PIK3C2G: variants seen among roughly 807,000 people sequenced by gnomAD.
The protein encoded by PIK3C2G is phosphatidylinositol-4-phosphate 3-kinase catalytic subunit type 2 gamma, also known as phosphatidylinositol 3-kinase C2 domain-containing subunit gamma.
In PIK3C2G, 168 loss-of-function variants were observed where a neutral mutation model predicts 181.1. The ratio of observed to expected loss-of-function variants is 0.93; its 90% CI spans 0.82 to 1.05. The LOEUF is 1.05. PIK3C2G is among the 50% of genes least tolerant of loss of function. The probability of loss-of-function intolerance (pLI) is 0.00; values close to 1 mark genes in which losing one functional copy is unlikely to be tolerated. For synonymous variants in PIK3C2G, 573 were observed against 592.2 expected (o/e 0.97, Z 0.47); for missense variants, 1,869 against 1,732.8 (o/e 1.08, Z -1.40).
intron 5 of PIK3C2G, among the ~76,000 whole-genome samples, chr12:18,296,190 T>C (rs1343195132): frequency 6.6e-6 from 1 of 152,084 alleles, no homozygotes; most frequent in Non-Finnish European, 1.5e-5. Context: ...AAGTATTACA[T>C]AAAATCCTGA....
chr12:18,545,511 T>C (rs1309346145), intron 25 of PIK3C2G, among the ~76,000 whole-genome samples: 1 of 151,824 alleles, frequency 6.6e-6, no homozygotes, highest in Non-Finnish European at 1.5e-5. Flanking sequence ...AGTCTTCATT[T>C]TTTTTTTTGC....
intron 18 of PIK3C2G, among the ~76,000 whole-genome samples, chr12:18,459,915 AC>A (rs1348021070): frequency 6.6e-6 from 1 of 152,088 alleles, no homozygotes; most frequent in Non-Finnish European, 1.5e-5. Context: ...GGCACCTGCC[AC>A]CACGTCTGTC....
intron 30 of PIK3C2G, among the ~76,000 whole-genome samples, chr12:18,601,683 C>A (rs1017256003): frequency 6.6e-6 from 1 of 151,798 alleles, no homozygotes; most frequent in African/African-American, 2.4e-5. Flanking sequence ...AATTTTTTTT[C>A]ATTCAAATTA....
At chr12:18,316,765 A>C (rs1009528443) in intron 6 of PIK3C2G, among the ~76,000 whole-genome samples, 10 of 152,006 alleles carry the variant, frequency 6.6e-5, no homozygotes, top group Admixed American at 6.5e-4. Context: ...AATGGATAAT[A>C]CACCTGATGG....
chr12:18,487,499 G>T (rs750930494), intron 18 of PIK3C2G, among the ~76,000 whole-genome samples: 2 of 151,784 alleles, frequency 1.3e-5, no homozygotes, highest in African/African-American at 2.4e-5. Context: ...TTCAGAGAAG[G>T]CAAAAACTAA....
At chr12:18,261,804 T>A (rs1406749180) in intron 1 of PIK3C2G, among the ~76,000 whole-genome samples, 2 of 152,068 alleles carry the variant, frequency 1.3e-5, no homozygotes, top group African/African-American at 4.8e-5. Flanking sequence ...CTGAATAAAC[T>A]TATTCTTTCT....
At chr12:18,491,383 T>G (rs1431448948) in intron 19 of PIK3C2G, 68 bp from the exon 20 acceptor site, 8 of 836,818 alleles carry the variant, frequency 9.6e-6, no homozygotes, top group African/African-American at 1.7e-5. Context: ...TAGAAGAAAA[T>G]TATAACCTGA....
chr12:18,566,825 A>C (rs890798878), intron 28 of PIK3C2G, 124 bp from the exon 29 acceptor site: 7 of 668,752 alleles, frequency 1.0e-5, no homozygotes, highest in Admixed American at 5.6e-5. Flanking sequence ...CACGTAGACT[A>C]TGACTTTTTC....
chr12:18,247,846 C>G (rs372938846), exon 1 of PIK3C2G: 1 of 152,198 alleles, frequency 6.6e-6, no homozygotes, highest in Non-Finnish European at 1.5e-5. Flanking sequence ...ACAGGCTGCT[C>G]TTTGTTAGAA....
chr12:18,655,031 T>C, the PIK3C2G span, among the ~76,000 whole-genome samples: 1 of 141,014 alleles, frequency 7.1e-6, no homozygotes, highest in African/African-American at 2.7e-5. Flanking sequence ...CGAAACAGTC[T>C]TAAAAGTATA....
In PIK3C2G at chr12:18,395,084, C is replaced by CTTCT. The variant is rs1211076005; in HGVS notation, c.2126+3848_2126+3851dup. Among the ~76,000 whole-genome samples, 167 of 141,578 alleles carry CTTCT rather than the reference C, an allele frequency of 1.2e-3. 1 individual carries two copies. Among genetic ancestry groups the CTTCT allele is most frequent in the African/African-American group, 3.8e-3 (146 of 38,420 alleles). The allele number at this position is 141,578 out of a possible 152,430, so 92.9% of individuals were successfully genotyped here. On this transcript the variant is annotated intron_variant, in intron 15 of 32. Coordinates refer to ENST00000538779, the MANE Select transcript of PIK3C2G (RefSeq NM_001288772.2). ...CCTTCTTTCCCTGCCTCTTTCATTCCTTCTTTCTTTCTTTCTTTCATTCTT... is the reference window on the plus strand; with the variant it reads ...CCTTCTTTCCCTGCCTCTTTCATTCCTTCTTTCTTTCTTTCTTTCTTTCATTCTT...
At chr12:18,339,568 T>C (rs1166159790) in intron 9 of PIK3C2G, among the ~76,000 whole-genome samples, 2 of 152,098 alleles carry the variant, frequency 1.3e-5, no homozygotes, top group Non-Finnish European at 2.9e-5. Context: ...CAAGAGAAAT[T>C]CTACTACTTT....
chr12:18,618,570 A>G (rs1164552770), intron 31 of PIK3C2G, among the ~76,000 whole-genome samples: 2 of 152,200 alleles, frequency 1.3e-5, no homozygotes, highest in Non-Finnish European at 2.9e-5. Flanking sequence ...AATACAACTC[A>G]AATTGCTTAT....
intron 4 of PIK3C2G, among the ~76,000 whole-genome samples, chr12:18,291,390 A>G (rs2137199068): frequency 6.6e-6 from 1 of 152,292 alleles, no homozygotes; most frequent in East Asian, 1.9e-4. Context: ...ATATAAATAA[A>G]TTGTGAGGTA....
chr12:18,245,098 G>A (rs897591319), upstream of PIK3C2G, among the ~76,000 whole-genome samples: 1 of 152,036 alleles, frequency 6.6e-6, no homozygotes, highest in Non-Finnish European at 1.5e-5. Flanking sequence ...AAGAGATTAC[G>A]TGGGCATCTG....
At chr12:18,423,889 G>A (rs1592223947) in intron 17 of PIK3C2G, 56 bp from the exon 18 acceptor site, 1 of 1,042,888 alleles carries the variant, frequency 9.6e-7, no homozygotes, top group East Asian at 2.5e-5. Flanking sequence ...AAGTCCCTCT[G>A]TATTCTGCTA....
At chr12:18,335,728 T>C (rs1279913980) in intron 8 of PIK3C2G, among the ~76,000 whole-genome samples, 1 of 152,194 alleles carries the variant, frequency 6.6e-6, no homozygotes, top group Non-Finnish European at 1.5e-5. Context: ...ATCCAGTTAA[T>C]CACCAACTCA....
At chr12:18,722,786 G>A in the PIK3C2G span, among the ~76,000 whole-genome samples, 472 of 151,910 alleles carry the variant, frequency 3.1e-3, 3 homozygotes, top group African/African-American at 0.011. Flanking sequence ...AAGAACAAGC[G>A]AAAAGTATAT....
intron 18 of PIK3C2G, among the ~76,000 whole-genome samples, chr12:18,467,275 A>G (rs1232999004): frequency 6.6e-6 from 1 of 151,876 alleles, no homozygotes; most frequent in Non-Finnish European, 1.5e-5. Flanking sequence ...TACTCCTCCT[A>G]CTCTTAGAAT....
Sources: allele counts gnomAD v4.1 joint callset (sites outside exome capture counted in the v4.1 genomes callset), GRCh38; gene constraint gnomAD v4.1.1; transcripts MANE v1.5; gene names NCBI Gene and HGNC (gene_info 2026-07-23, HGNC 2026-07-21).